Variants in MAPK8IP3 observed in about 807,000 individuals in gnomAD.
The protein encoded by MAPK8IP3 is mitogen-activated protein kinase 8 interacting protein 3, also known as C-Jun-amino-terminal kinase-interacting protein 3.
In MAPK8IP3, 49 loss-of-function variants were observed where a neutral mutation model predicts 157.8. That is an observed-to-expected ratio of 0.31 (90% CI 0.25 to 0.39). The LOEUF is 0.39. MAPK8IP3 is among the 10% of genes least tolerant of loss of function. The pLI is 1.00. For synonymous variants in MAPK8IP3, 897 were observed against 777.7 expected (o/e 1.15, Z -2.55); for missense variants, 1,478 against 1,889.4 (o/e 0.78, Z 4.04).
chr16:1,736,059 C>T (rs2039751104), intron 4 of MAPK8IP3, among the ~76,000 whole-genome samples: 2 of 95,090 alleles, frequency 2.1e-5, no homozygotes, highest in African/African-American at 4.8e-5. Flanking sequence ...TGTGACCGTC[C>T]GTGTGTGTGA....
At position 1,769,020 on chromosome 16, in the gene MAPK8IP3, A is replaced by C. The variant is rs2575330; in HGVS notation, c.*196A>C. The C allele has an allele frequency of 1.6e-6, 1 of 637,144 alleles. No homozygotes were observed. Among genetic ancestry groups the C allele is most frequent in the Admixed American group, 2.9e-5 (1 of 34,000 alleles). The allele number at this position is 637,144 out of a possible 1,614,324, so 39.5% of individuals were successfully genotyped here. On this transcript the variant is annotated 3_prime_UTR_variant, in exon 32 of 32. Transcript: ENST00000610761. ...CAGCTGGGAGGAGGAGGGGAGGGGA[A>C]CTTCCACCCGAGGGGAAGATGCTCT...
At position 1,760,688 on chromosome 16, in the gene MAPK8IP3, C is replaced by G. The variant is rs148710779; in HGVS notation, c.1457+156C>G. 5.1e-3 allele frequency among the ~76,000 whole-genome samples: 773 copies of G among 152,332 alleles called. 10 individuals are homozygous for G. The highest frequency in any genetic ancestry group is 0.017 in the African/African-American group (696 of 41,568). ...CTCACAGCCACTCCACCCCAACCAG[C>G]AGAGTGGGGCCGTGGTCTCCTCCTG... On this transcript the variant is annotated intron_variant, in intron 12 of 31. Transcript: ENST00000610761.
At chr16:1,735,073 T>C (rs2039578903) in intron 4 of MAPK8IP3, 1 of 152,788 alleles carries the variant, frequency 6.5e-6, no homozygotes, top group Admixed American at 6.5e-5. Flanking sequence ...CTGGCTGAAC[T>C]GCCACACAGC....
intron 2 of MAPK8IP3, 31 bp from the exon 3 acceptor site, chr16:1,729,107 G>T: frequency 6.2e-7 from 1 of 1,604,514 alleles, no homozygotes; most frequent in East Asian, 2.2e-5. Flanking sequence ...GAAGCGTCTT[G>T]TGCGGCTCAG....
Position 1,766,813 on chromosome 16 carries a change from C to A in MAPK8IP3, c.3020+10C>A, listed in dbSNP as rs12325515. ...CTGTGCTGAGCCTGGTGTGGGTGAC[C>A]CCAGACCGAGGGCCGGGCGGCGCGG... On this transcript the variant is annotated intron_variant, in intron 24 of 31. Coordinates refer to ENST00000610761, the MANE Select transcript of MAPK8IP3 (RefSeq NM_001318852.2). 7,134 of 1,612,570 alleles carry A rather than the reference C, an allele frequency of 4.4e-3. 273 individuals carry two copies. The African/African-American group carries it at 0.079, about 18-fold the overall frequency.
At chr16:1,768,137 G>T (rs2143284) in intron 29 of MAPK8IP3, 30 bp downstream of exon 29, 2 of 1,611,892 alleles carry the variant, frequency 1.2e-6, no homozygotes, top group African/African-American at 2.7e-5. Flanking sequence ...GTCCCCTCAC[G>T]GGAGCCTCTC....
At chr16:1,749,149 A>G (rs2041148749) in intron 8 of MAPK8IP3, among the ~76,000 whole-genome samples, 1 of 152,214 alleles carries the variant, frequency 6.6e-6, no homozygotes, top group Admixed American at 6.5e-5. Context: ...CCACACATGC[A>G]GAACTCGTGG....
intron 2 of MAPK8IP3, among the ~76,000 whole-genome samples, chr16:1,728,859 A>G (rs1263201261): frequency 6.9e-6 from 1 of 144,180 alleles, no homozygotes; most frequent in Non-Finnish European, 1.5e-5. Flanking sequence ...CAGCACACAC[A>G]GCAGCCCCCC....
rs571044466 is a variant in MAPK8IP3 at position 1,727,001 on chromosome 16, CTG to C, written c.440-2131_440-2130del. On this transcript the variant is annotated intron_variant, in intron 2 of 31. Transcript: ENST00000610761. ...GTGTGTTGTGTGCTGTGTGCAGCGT[CTG>C]TGTGTCATGTGCTGTGTGCGGCATC... 1.3e-3 allele frequency among the ~76,000 whole-genome samples: 203 copies of C among 152,006 alleles called. 1 individual carries two copies. Among genetic ancestry groups the C allele is most frequent in the Non-Finnish European group, 2.3e-3 (159 of 67,954 alleles).
intron 1 of MAPK8IP3, among the ~76,000 whole-genome samples, chr16:1,712,021 G>C (rs1477640824): frequency 6.8e-6 from 1 of 148,024 alleles, no homozygotes; most frequent in Non-Finnish European, 1.5e-5. Context: ...GCCGCCACTA[G>C]GTCCTGGTGT....
intron 1 of MAPK8IP3, among the ~76,000 whole-genome samples, chr16:1,721,205 T>C (rs930880884): frequency 6.0e-5 from 9 of 150,880 alleles, no homozygotes; most frequent in African/African-American, 2.0e-4. Flanking sequence ...TGGTGGCGCA[T>C]GCCTGTAATC....
At chr16:1,753,821 G>T (rs944113259) in intron 8 of MAPK8IP3, among the ~76,000 whole-genome samples, 1 of 151,976 alleles carries the variant, frequency 6.6e-6, no homozygotes, top group Non-Finnish European at 1.5e-5. Flanking sequence ...GATTGTTTAA[G>T]ACCTACTGAA....
chr16:1,722,060 G>C (rs1048675922), intron 1 of MAPK8IP3, among the ~76,000 whole-genome samples: 2 of 152,116 alleles, frequency 1.3e-5, no homozygotes, highest in African/African-American at 2.4e-5. Context: ...GTGAGCCACC[G>C]CACCCAGACA....
intron 1 of MAPK8IP3, among the ~76,000 whole-genome samples, chr16:1,717,991 A>G (rs191192205): frequency 1.3e-5 from 2 of 151,908 alleles, no homozygotes; most frequent in Non-Finnish European, 2.9e-5. Flanking sequence ...AGCTGGGACT[A>G]CAGGCGCCCG....
intron 1 of MAPK8IP3, among the ~76,000 whole-genome samples, chr16:1,712,131 G>A (rs915166594): frequency 3.8e-5 from 5 of 132,676 alleles, no homozygotes; most frequent in Admixed American, 1.7e-4. Context: ...GCGCAATCTC[G>A]GCTCACTGCA....
chr16:1,748,798 A>G, intron 8 of MAPK8IP3, 78 bp downstream of exon 8: 3 of 1,286,250 alleles, frequency 2.3e-6, no homozygotes, highest in Non-Finnish European at 3.4e-6. Context: ...TTTGTAATGA[A>G]AGGAAAGTCC....
rs373641996 is a variant in MAPK8IP3 at position 1,717,058 on chromosome 16, CA to C, written c.319-7490del. 1.5e-3 allele frequency among the ~76,000 whole-genome samples: 217 copies of C among 147,096 alleles called. 3 individuals are homozygous for C. In the East Asian group the frequency reaches 0.034, roughly 23 times the overall value. On this transcript the variant is annotated intron_variant, in intron 1 of 31. Coordinates refer to ENST00000610761, the MANE Select transcript of MAPK8IP3 (RefSeq NM_001318852.2). ...TGGGCAACAGAGCGAGATGCCGTCT[CA>C]AAAAAAAATAAAATAAAAATTAGCC...
intron 16 of MAPK8IP3, among the ~76,000 whole-genome samples, chr16:1,763,451 T>C (rs1368548990): frequency 6.6e-6 from 1 of 152,190 alleles, no homozygotes; most frequent in Non-Finnish European, 1.5e-5. Flanking sequence ...CCCAGGGGCA[T>C]AGCCGGTGCC....
At position 1,748,333 on chromosome 16, in the gene MAPK8IP3, C is replaced by A; in HGVS notation, c.1084C>A (p.Arg362Ser). ...LDMCPETRLD[R>S]TGSSPTQGIV... Reference sequence around the variant, plus strand: ...CATGTGTCCAGAGACCCGCCTGGACCGCACAGGAAGCAGGTACTGGCTCAG... The same window carrying A: ...CATGTGTCCAGAGACCCGCCTGGACAGCACAGGAAGCAGGTACTGGCTCAG... Residue 362 changes from arginine to serine, a missense_variant, in exon 7 of 32, where the codon CGC becomes AGC. Transcript: ENST00000610761. The A allele has an allele frequency of 6.2e-7, 1 of 1,613,550 alleles. No individual in the cohort carries two copies. The highest frequency in any genetic ancestry group is 8.5e-7 in the Non-Finnish European group (1 of 1,179,832).
Sources: gnomAD v4.1 joint callset for allele counts (sites outside exome capture counted in the v4.1 genomes callset) on GRCh38, gnomAD v4.1.1 for gene constraint, MANE v1.5 for transcripts, NCBI Gene and HGNC (gene_info 2026-07-23, HGNC 2026-07-21) for gene names.